Variants in SPAG16 observed in about 807,000 individuals in gnomAD.
The protein encoded by SPAG16 is sperm-associated antigen 16 protein.
SPAG16 carries 86 observed loss-of-function variants against 80.4 expected under a neutral mutation model. The ratio of observed to expected loss-of-function variants is 1.07; its 90% confidence interval spans 0.90 to 1.28. The LOEUF is 1.28. Ranked by LOEUF, SPAG16 falls within the 50% of genes most tolerant of loss-of-function variation. The pLI is 0.00. For missense variants in SPAG16, 870 were observed against 765.3 expected, an observed-to-expected ratio of 1.14 and a Z score of -1.61; for synonymous variants, 294 against 265.9, an observed-to-expected ratio of 1.11 and a Z score of -1.03.
At chr2:214,352,407 T>C (rs868626079) in intron 15 of SPAG16, among the ~76,000 whole-genome samples, 14 of 152,258 alleles carry the variant, frequency 9.2e-5, no homozygotes, top group African/African-American at 3.4e-4. Flanking sequence ...AGTGATACAC[T>C]TGAAAATTCC....
At chr2:213,338,822 T>C (rs1322727831) in intron 5 of SPAG16, among the ~76,000 whole-genome samples, 1 of 151,916 alleles carries the variant, frequency 6.6e-6, no homozygotes, top group Admixed American at 6.6e-5. Context: ...TCAAAACACA[T>C]GGACACAGGA....
chr2:214,100,691 T>A (rs1386613967), intron 13 of SPAG16, among the ~76,000 whole-genome samples: 1 of 152,158 alleles, frequency 6.6e-6, no homozygotes, highest in African/African-American at 2.4e-5. Flanking sequence ...GACCTCCAGC[T>A]CTATCCATGG....
At chr2:214,000,087 G>A (rs1456298695) in intron 12 of SPAG16, among the ~76,000 whole-genome samples, 1 of 152,126 alleles carries the variant, frequency 6.6e-6, no homozygotes, top group Admixed American at 6.5e-5. Flanking sequence ...AGGCATAATT[G>A]GTTTTCAAAT....
At chr2:214,379,278 C>T (rs1700313584) in intron 15 of SPAG16, among the ~76,000 whole-genome samples, 1 of 152,196 alleles carries the variant, frequency 6.6e-6, no homozygotes, top group South Asian at 2.1e-4. Flanking sequence ...GAAAAAGAGA[C>T]AGATGGGAAA....
In SPAG16 at chr2:214,193,429, G is replaced by GTGTGT. The variant is rs1559119411; in HGVS notation, c.1720+44163_1720+44164insTGTGT. 2.4e-3 allele frequency among the ~76,000 whole-genome samples: 166 copies of GTGTGT among 67,882 alleles called. 1 individual carries two copies. Among genetic ancestry groups the GTGTGT allele is most frequent in the Admixed American group, 3.8e-3 (23 of 6,020 alleles). 44.5% of individuals were successfully genotyped at this position (67,882 alleles called of 152,430 possible). A position where few individuals can be genotyped will look rare whatever the true frequency, so the allele number is the denominator to read the frequency against. Reference sequence around the variant, plus strand: ...TGTGTGTGTGTGTGTGTGTGTATGAGAGAGAGAGAGAGAGAGAGAGAGAGA... The same window carrying GTGTGT: ...TGTGTGTGTGTGTGTGTGTGTATGAGTGTGTAGAGAGAGAGAGAGAGAGAGAGAGA... On this transcript the variant is annotated intron_variant, in intron 15 of 15. Coordinates refer to ENST00000331683, the MANE Select transcript of SPAG16 (RefSeq NM_024532.5).
intron 11 of SPAG16, among the ~76,000 whole-genome samples, chr2:213,900,254 C>T (rs16851073): frequency 0.018 from 2,702 of 152,136 alleles, 90 homozygotes; most frequent in African/African-American, 0.062. Context: ...TTTTTCACTG[C>T]AAGAATGGCG....
At chr2:213,967,917 C>T (rs2044789920) in intron 12 of SPAG16, among the ~76,000 whole-genome samples, 1 of 152,002 alleles carries the variant, frequency 6.6e-6, no homozygotes. Context: ...ATTGTGCTTC[C>T]TTTTACGATA....
chr2:213,726,381 G>A (rs531965333), intron 10 of SPAG16, among the ~76,000 whole-genome samples: 1 of 152,150 alleles, frequency 6.6e-6, no homozygotes, highest in Non-Finnish European at 1.5e-5. Flanking sequence ...TCTTGCCTTA[G>A]TTGGAAGTAC....
chr2:213,933,749 G>C (rs553397589), intron 12 of SPAG16, among the ~76,000 whole-genome samples: 6 of 152,164 alleles, frequency 3.9e-5, no homozygotes, highest in Non-Finnish European at 8.8e-5. Flanking sequence ...AGTGTATTGT[G>C]TCCAATACTC....
At chr2:213,630,951 T>C (rs1476997234) in intron 10 of SPAG16, among the ~76,000 whole-genome samples, 1 of 152,174 alleles carries the variant, frequency 6.6e-6, no homozygotes, top group Non-Finnish European at 1.5e-5. Flanking sequence ...GGGGTTGTTG[T>C]GGTGGTGGCA....
chr2:213,681,446 T>G (rs1453832621), intron 10 of SPAG16, among the ~76,000 whole-genome samples: 1 of 152,152 alleles, frequency 6.6e-6, no homozygotes, highest in East Asian at 1.9e-4. Flanking sequence ...AGTCTTGACT[T>G]TCCAGCTACA....
intron 13 of SPAG16, among the ~76,000 whole-genome samples, chr2:214,031,366 C>T (rs1456163653): frequency 1.4e-5 from 2 of 138,982 alleles, no homozygotes; most frequent in Non-Finnish European, 3.0e-5. Context: ...CATGTTCTCA[C>T]TCATAGGTGG....
chr2:213,887,338 C>CGTTTT (rs563437966), intron 11 of SPAG16, among the ~76,000 whole-genome samples: 128 of 151,716 alleles, frequency 8.4e-4, no homozygotes, highest in African/African-American at 2.9e-3. Flanking sequence ...ATTGTTTTTT[C>CGTTTT]GTTTTGTTTT....
chr2:214,347,665 T>C (rs1312543239), intron 15 of SPAG16, among the ~76,000 whole-genome samples: 1 of 152,202 alleles, frequency 6.6e-6, no homozygotes, highest in Non-Finnish European at 1.5e-5. Context: ...ACAGTGGTGT[T>C]ATGAGTTGGG....
chr2:214,382,772 T>C (rs893052082), intron 15 of SPAG16, among the ~76,000 whole-genome samples: 7 of 152,224 alleles, frequency 4.6e-5, no homozygotes, highest in Admixed American at 6.5e-5. Flanking sequence ...AGCCAGACAA[T>C]AGGCTTTTTC....
chr2:214,042,639 C>T lies in SPAG16; in HGVS notation c.1527+28562C>T, dbSNP rs571397898. The stretch of plus-strand genomic sequence containing the variant: ...ATGTTTCCTAAGATTGAAACTTTGG[C>T]GAAGATTTGAACATACTAAGTGAAT... On this transcript the variant is annotated intron_variant, in intron 13 of 15. Transcript: ENST00000331683. 7.2e-5 allele frequency among the ~76,000 whole-genome samples: 11 copies of T among 152,188 alleles called. No individual in the cohort carries two copies. In the East Asian group the frequency reaches 1.5e-3, roughly 21 times the overall value.
At chr2:213,700,734 A>C (rs974849696) in intron 10 of SPAG16, among the ~76,000 whole-genome samples, 6 of 152,242 alleles carry the variant, frequency 3.9e-5, no homozygotes, top group African/African-American at 1.4e-4. Flanking sequence ...ATAAGAATTC[A>C]ATTAATCTAT....
At chr2:213,813,069 G>C (rs927289559) in intron 10 of SPAG16, among the ~76,000 whole-genome samples, 1 of 152,128 alleles carries the variant, frequency 6.6e-6, no homozygotes, top group Non-Finnish European at 1.5e-5. Flanking sequence ...CTTAAAAAAT[G>C]AGAAGCCTTA....
intron 13 of SPAG16, among the ~76,000 whole-genome samples, chr2:214,050,529 A>C (rs2049587193): frequency 1.2e-5 from 1 of 81,532 alleles, no homozygotes; most frequent in Non-Finnish European, 2.5e-5. Flanking sequence ...CATATTACTT[A>C]AGTAATTAAT....
Sources: allele counts gnomAD v4.1 joint callset (sites outside exome capture counted in the v4.1 genomes callset), GRCh38; gene constraint gnomAD v4.1.1; transcripts MANE v1.5; gene names NCBI Gene and HGNC (gene_info 2026-07-23, HGNC 2026-07-21).